NDUFA10: variants seen among roughly 807,000 people sequenced by gnomAD.
The protein encoded by NDUFA10 is NADH dehydrogenase [ubiquinone] 1 alpha subcomplex subunit 10, mitochondrial.
In NDUFA10, 40 loss-of-function variants were observed where a neutral mutation model predicts 47.8. The observed-to-expected ratio is 0.84, with a 90% CI of 0.65 to 1.09. The LOEUF (loss-of-function observed/expected upper bound fraction) is 1.09. NDUFA10 is among the 50% of genes least tolerant of loss of function. The probability of loss-of-function intolerance (pLI) is 0.00; values close to 1 mark genes in which losing one functional copy is unlikely to be tolerated. For missense variants in NDUFA10, 413 were observed against 451.1 expected (o/e 0.92, Z 0.76); for synonymous variants, 183 against 172.2 (o/e 1.06, Z -0.49).
At chr2:239,918,570 C>T (rs958217309) in intron 4 of NDUFA10, among the ~76,000 whole-genome samples, 2 of 152,218 alleles carry the variant, frequency 1.3e-5, no homozygotes, top group African/African-American at 4.8e-5. Context: ...CAATCTCATA[C>T]CTTAGTTCCC....
chr2:239,998,937 A>C (rs1435804012), intron 8 of NDUFA10, among the ~76,000 whole-genome samples: 1 of 152,170 alleles, frequency 6.6e-6, no homozygotes, highest in Non-Finnish European at 1.5e-5. Context: ...AGAGATAGGC[A>C]GCTACCACAG....
At chr2:239,912,889 T>C (rs1290978972) in intron 4 of NDUFA10, among the ~76,000 whole-genome samples, 5 of 152,230 alleles carry the variant, frequency 3.3e-5, no homozygotes, top group African/African-American at 1.2e-4. Context: ...TCCTTGTCCC[T>C]GATCTTCCGA....
At chr2:239,934,983 A>G (rs763667409) in intron 4 of NDUFA10, among the ~76,000 whole-genome samples, 6 of 152,180 alleles carry the variant, frequency 3.9e-5, no homozygotes, top group Non-Finnish European at 7.4e-5. Flanking sequence ...ACTTTGCCTT[A>G]CCCACAGCCT....
At position 239,960,272 on chromosome 2, in the gene NDUFA10, C is replaced by G; in HGVS notation, c.*846G>C. ...CCTAAACCATGATGCTGAACCACAA[C>G]CAGCTTGTTTTGGTTTTCTAGGCTT... On this transcript the variant is annotated 3_prime_UTR_variant, in exon 10 of 10. Transcript: ENST00000252711. The G allele has an allele frequency of 1.0e-6, 1 of 985,628 alleles. No individual in the cohort carries two copies. The highest frequency in any genetic ancestry group is 1.2e-6 in the Non-Finnish European group (1 of 830,108). The allele number at this position is 985,628 out of a possible 1,614,324, so 61.1% of individuals were successfully genotyped here.
At chr2:239,990,306 G>A (rs567438438) in intron 8 of NDUFA10, 124 bp from the exon 9 acceptor site, 200 of 770,058 alleles carry the variant, frequency 2.6e-4, no homozygotes, top group Middle Eastern at 1.3e-3. Context: ...AATGCTATTC[G>A]TTGCCAAGCA....
intron 9 of NDUFA10, chr2:239,983,446 T>C: frequency 1.3e-6 from 2 of 1,515,566 alleles, no homozygotes; most frequent in South Asian, 2.5e-5. Context: ...TAATTTCAAC[T>C]GATCATTTTT....
chr2:239,956,227 G>A (rs1047886265), downstream of NDUFA10, among the ~76,000 whole-genome samples: 1 of 152,164 alleles, frequency 6.6e-6, no homozygotes, highest in Non-Finnish European at 1.5e-5. Flanking sequence ...GGTGGGGCCG[G>A]TCATCCCCAC....
intron 4 of NDUFA10, among the ~76,000 whole-genome samples, chr2:239,936,047 C>A (rs1694261803): frequency 6.6e-6 from 1 of 152,198 alleles, no homozygotes; most frequent in Non-Finnish European, 1.5e-5. Context: ...GGCTGGGCAG[C>A]CTGAACCAGG....
At chr2:239,898,555 C>T (rs1025720519) in intron 4 of NDUFA10, among the ~76,000 whole-genome samples, 10 of 152,240 alleles carry the variant, frequency 6.6e-5, no homozygotes, top group African/African-American at 1.2e-4. Context: ...AGATCAGACC[C>T]GAAGAGGGCA....
downstream of NDUFA10, among the ~76,000 whole-genome samples, chr2:239,956,542 G>C (rs950746362): frequency 6.6e-6 from 1 of 152,230 alleles, no homozygotes; most frequent in South Asian, 2.1e-4. Context: ...AAAGCCTCCC[G>C]TGCTTGGAGG....
At chr2:239,933,687 G>C (rs907021708) in intron 4 of NDUFA10, among the ~76,000 whole-genome samples, 1 of 152,004 alleles carries the variant, frequency 6.6e-6, no homozygotes, top group Admixed American at 6.6e-5. Flanking sequence ...GTGTGAAAAT[G>C]CTTTGACAGG....
chr2:239,962,054 C>T (rs1260365638), intron 9 of NDUFA10, among the ~76,000 whole-genome samples: 1 of 152,202 alleles, frequency 6.6e-6, no homozygotes, highest in Non-Finnish European at 1.5e-5. Flanking sequence ...ACAGGGCTGG[C>T]TGAGACGGAA....
intron 9 of NDUFA10, chr2:239,973,482 A>ATAG (rs2106412949): frequency 2.1e-6 from 1 of 470,258 alleles, no homozygotes; most frequent in Non-Finnish European, 4.4e-6. Context: ...ACAACTTGAG[A>ATAG]TAGTAAAAGA....
Position 239,960,939 on chromosome 2 carries a change from C to A in NDUFA10, c.*179G>T. The A allele has an allele frequency of 1.3e-6, 2 of 1,501,784 alleles. No homozygotes were observed. Among genetic ancestry groups the A allele is most frequent in the Non-Finnish European group, 1.8e-6 (2 of 1,121,922 alleles). 93.0% of individuals were successfully genotyped at this position (1,501,784 alleles called of 1,614,324 possible). A position where few individuals can be genotyped will look rare whatever the true frequency, so the allele number is the denominator to read the frequency against. The stretch of plus-strand genomic sequence containing the variant: ...CAAACATCCAGAATGGAAGCTGCTT[C>A]CCCCAACTCCATTACCTATACTACA... On this transcript the variant is annotated 3_prime_UTR_variant, in exon 10 of 10. Coordinates refer to ENST00000252711, the MANE Select transcript of NDUFA10 (RefSeq NM_004544.4).
intron 9 of NDUFA10, chr2:239,969,717 AGAC>A: frequency 2.1e-6 from 1 of 471,454 alleles, no homozygotes; most frequent in Non-Finnish European, 4.4e-6. Context: ...TTCTTCCAAC[AGAC>A]CTCTTCGACA....
chr2:239,915,008 A>G (rs111067623), intron 4 of NDUFA10, among the ~76,000 whole-genome samples: 6,703 of 143,706 alleles, frequency 0.047, 799 homozygotes, highest in African/African-American at 0.16. Flanking sequence ...ACACACACAG[A>G]GAGACACACA....
intron 4 of NDUFA10, among the ~76,000 whole-genome samples, chr2:239,901,989 T>C (rs1693559836): frequency 6.6e-6 from 1 of 152,108 alleles, no homozygotes; most frequent in African/African-American, 2.4e-5. Context: ...TTCTTGTGGA[T>C]GAGCGGAGAA....
chr2:239,967,569 C>T (rs4296456), intron 9 of NDUFA10, among the ~76,000 whole-genome samples: 13,410 of 152,256 alleles, frequency 0.088, 697 homozygotes, highest in Admixed American at 0.14. Flanking sequence ...GAGTCCACGA[C>T]GTGGTTTAAG....
At chr2:240,022,084 T>C in intron 2 of NDUFA10, 88 bp downstream of exon 2, 9 of 1,055,442 alleles carry the variant, frequency 8.5e-6, no homozygotes, top group Non-Finnish European at 1.1e-5. Context: ...TTTAATATTA[T>C]TTAATATTAA....
Sources: allele counts gnomAD v4.1 joint callset (sites outside exome capture counted in the v4.1 genomes callset), GRCh38; gene constraint gnomAD v4.1.1; transcripts MANE v1.5; gene names NCBI Gene and HGNC (gene_info 2026-07-23, HGNC 2026-07-21).